Variants in ACSL6 observed in about 807,000 individuals in gnomAD.
ACSL6 encodes the protein long-chain-fatty-acid--CoA ligase 6.
ACSL6 carries 47 observed loss-of-function variants against 98.2 expected under a neutral mutation model. The observed-to-expected ratio is 0.48, with a 90% CI of 0.38 to 0.61. The LOEUF is 0.61. Ranked by LOEUF, ACSL6 falls within the 20% of genes least tolerant of loss-of-function variation. The probability of loss-of-function intolerance (pLI) is 0.00; values close to 1 mark genes in which losing one functional copy is unlikely to be tolerated. For synonymous variants in ACSL6, 362 were observed against 336.9 expected, an observed-to-expected ratio of 1.07 and a Z score of -0.82; for missense variants, 761 against 913.4, an observed-to-expected ratio of 0.83 and a Z score of 2.15.
At chr5:131,985,281 G>C (rs1754115306) in intron 9 of ACSL6, 126 bp downstream of exon 9, 2 of 1,232,508 alleles carry the variant, frequency 1.6e-6, no homozygotes, top group South Asian at 1.3e-5. Flanking sequence ...CCAGTGTCTG[G>C]AGCCAGGAAC....
At chr5:131,975,614 C>G (rs1297009502) in intron 10 of ACSL6, 7 of 984,982 alleles carry the variant, frequency 7.1e-6, no homozygotes, top group Non-Finnish European at 6.0e-6. Context: ...TCCCTGGAAC[C>G]AGGGCCTTAA....
Position 132,002,666 on chromosome 5 carries a change from C to T in ACSL6, c.50-8415G>A, listed in dbSNP as rs73789009. Among the ~76,000 whole-genome samples the T allele has an allele frequency of 4.5e-3, 681 of 152,140 alleles. 1 individual carries two copies. Among genetic ancestry groups the T allele is most frequent in the African/African-American group, 0.015 (631 of 41,484 alleles). ...AGGGAGGGAGAACAAGGAGAGGATC[C>T]GAGCTGGGTGGGAAAGGGTAGAGAA... On this transcript the variant is annotated intron_variant, in intron 1 of 20. Transcript: ENST00000651883.
chr5:131,954,435 G>C, intron 20 of ACSL6, 64 bp from the exon 21 acceptor site: 2 of 1,499,980 alleles, frequency 1.3e-6, no homozygotes, highest in Non-Finnish European at 8.9e-7. Flanking sequence ...AGTATACATG[G>C]TAAAAAGCAA....
chr5:131,967,479 C>T (rs1040585522), intron 16 of ACSL6, among the ~76,000 whole-genome samples: 18 of 151,998 alleles, frequency 1.2e-4, no homozygotes, highest in East Asian at 7.7e-4. Context: ...CTGTCTAACA[C>T]GGTGAAACCC....
chr5:132,011,785 C>G, upstream of ACSL6: 1 of 1,368,050 alleles, frequency 7.3e-7, no homozygotes, highest in South Asian at 1.8e-5. This position sits in a 1 kb window ranked among gnomAD's most constrained non-coding sequence, Gnocchi z 5.4. Context: ...GCCCTGCAGC[C>G]TGGCCGGCCG....
intron 1 of ACSL6, among the ~76,000 whole-genome samples, chr5:132,010,880 G>A (rs73265967): frequency 0.037 from 5,635 of 152,226 alleles, 301 homozygotes; most frequent in African/African-American, 0.12. Context: ...CCTTGTAGCC[G>A]CCTAAGAAGT....
At chr5:131,967,857 G>A (rs1033315875) in intron 16 of ACSL6, 83 bp downstream of exon 16, 20 of 1,280,320 alleles carry the variant, frequency 1.6e-5, no homozygotes, top group Non-Finnish European at 2.1e-5. Flanking sequence ...AAGGCAAAAG[G>A]AAAATCATTC....
At chr5:132,007,631 G>C (rs1755486669) in intron 1 of ACSL6, among the ~76,000 whole-genome samples, 1 of 152,176 alleles carries the variant, frequency 6.6e-6, no homozygotes, top group African/African-American at 2.4e-5. Context: ...TGGGAGGATG[G>C]AAGGAAAGTT....
chr5:131,986,718 C>T, intron 8 of ACSL6, 104 bp downstream of exon 8: 14 of 1,421,430 alleles, frequency 9.8e-6, no homozygotes, highest in Non-Finnish European at 1.4e-5. Context: ...ACAGGAGTTG[C>T]TTATTAACAC....
At chr5:131,970,316 G>C in intron 14 of ACSL6, 116 bp from the exon 15 acceptor site, 1 of 867,164 alleles carries the variant, frequency 1.2e-6, no homozygotes, top group South Asian at 1.5e-5. Context: ...CATGATCAGG[G>C]CGATGGAGGG....
intron 1 of ACSL6, chr5:132,006,340 T>A (rs549174483): frequency 1.3e-5 from 2 of 152,278 alleles, no homozygotes; most frequent in Admixed American, 1.3e-4. Flanking sequence ...TCACATGAAT[T>A]AGGAGCTACA....
chr5:131,984,144 G>A (rs1754042485), intron 9 of ACSL6: 1 of 152,288 alleles, frequency 6.6e-6, no homozygotes, highest in African/African-American at 2.4e-5. Flanking sequence ...TCCTGGAGAG[G>A]AAGGGCTGTG....
At chr5:131,962,132 A>T (rs981323345) in intron 18 of ACSL6, among the ~76,000 whole-genome samples, 1 of 150,660 alleles carries the variant, frequency 6.6e-6, no homozygotes, top group Non-Finnish European at 1.5e-5. Flanking sequence ...CAGGAGGGAG[A>T]TTGAGGCTGC....
At chr5:132,012,000 C>A, upstream of ACSL6, 1 of 1,490,256 alleles carries the variant, frequency 6.7e-7, no homozygotes, top group East Asian at 2.6e-5. The surrounding 1 kb of genome is among the most constrained non-coding windows in gnomAD (Gnocchi z 5.4). Context: ...CCGCCACCCA[C>A]CCCATCAACA....
At position 132,011,515 on chromosome 5, in the gene ACSL6, C is replaced by T. The variant is rs1755728708; in HGVS notation, c.39G>A (p.Trp13Ter). ...AGGACGGGCACTTACCTACGAATAGCCAGAGGGAGCCCCCCGACACGAGGA... is the reference window on the plus strand; with the variant it reads ...AGGACGGGCACTTACCTACGAATAGTCAGAGGGAGCCCCCCGACACGAGGA... Reference protein sequence around the residue: ...TFFLVSGGSLWLFVEFVLSLL... With the variant: ...TFFLVSGGSL Residue 13 changes from tryptophan (W) to a stop codon, truncating the protein, a stop_gained, in exon 1 of 21, where the codon TGG (tryptophan) becomes TGA (stop). Transcript: ENST00000651883. LOFTEE classifies it high-confidence loss of function. This position sits in a 1 kb window ranked among gnomAD's most constrained non-coding sequence, Gnocchi z 5.4. 1 of 1,607,272 alleles carries T rather than the reference C, an allele frequency of 6.2e-7. No individual in the cohort carries two copies. Among genetic ancestry groups the T allele is most frequent in the Non-Finnish European group, 8.5e-7 (1 of 1,177,114 alleles).
intron 12 of ACSL6, 44 bp downstream of exon 12, chr5:131,973,222 T>C (rs746716568): frequency 1.9e-6 from 3 of 1,596,560 alleles, no homozygotes; most frequent in Non-Finnish European, 2.6e-6. Flanking sequence ...AACAAGCAAA[T>C]ATGCAGCCCC....
At chr5:131,983,240 A>G (rs1753996693) in intron 9 of ACSL6, 1 of 152,200 alleles carries the variant, frequency 6.6e-6, no homozygotes, top group Non-Finnish European at 1.5e-5. Flanking sequence ...TTATTTTGAA[A>G]TGAACAGCAA....
At chr5:131,974,599 C>T (rs1464665665) in intron 11 of ACSL6, among the ~76,000 whole-genome samples, 2 of 152,122 alleles carry the variant, frequency 1.3e-5, no homozygotes, top group African/African-American at 2.4e-5. Context: ...CCAGGAGGGA[C>T]AAGTGGGGTG....
At chr5:131,981,432 G>A (rs1753890832) in intron 9 of ACSL6, among the ~76,000 whole-genome samples, 1 of 151,336 alleles carries the variant, frequency 6.6e-6, no homozygotes, top group Non-Finnish European at 1.5e-5. Context: ...AGTGAACTTG[G>A]CTGTACAACC....
Sources: allele counts gnomAD v4.1 joint callset (sites outside exome capture counted in the v4.1 genomes callset), GRCh38; gene constraint gnomAD v4.1.1; non-coding constraint Gnocchi (gnomAD v3.1); transcripts MANE v1.5; gene names NCBI Gene and HGNC (gene_info 2026-07-23, HGNC 2026-07-21).